Variants in COL22A1 observed in about 807,000 individuals in gnomAD.
COL22A1 encodes the protein collagen type XXII alpha 1 chain, also known as collagen alpha-1(XXII) chain.
COL22A1 carries 221 observed loss-of-function variants against 248.9 expected under a neutral mutation model. The observed-to-expected ratio is 0.89, with a 90% CI of 0.80 to 0.99. The LOEUF is 0.99. Ranked by LOEUF, COL22A1 falls within the 50% of genes least tolerant of loss-of-function variation. The pLI is 0.00. For synonymous variants in COL22A1, 891 were observed against 793.4 expected, an observed-to-expected ratio of 1.12 and a Z score of -2.07; for missense variants, 2,240 against 2,179.0, an observed-to-expected ratio of 1.03 and a Z score of -0.56.
At chr8:138,749,177 C>T (rs1013067581) in intron 22 of COL22A1, among the ~76,000 whole-genome samples, 1 of 152,128 alleles carries the variant, frequency 6.6e-6, no homozygotes, top group Non-Finnish European at 1.5e-5. Flanking sequence ...GCCTCCCCAG[C>T]CCCATGGAAC....
chr8:138,736,850 G>A (rs757239324), intron 23 of COL22A1, among the ~76,000 whole-genome samples: 7 of 152,264 alleles, frequency 4.6e-5, no homozygotes, highest in Non-Finnish European at 8.8e-5. Context: ...GGGAAACTGA[G>A]GCCCCATCTC....
At chr8:138,654,500 A>C (rs1462367359) in intron 45 of COL22A1, among the ~76,000 whole-genome samples, 3 of 152,140 alleles carry the variant, frequency 2.0e-5, no homozygotes, top group Non-Finnish European at 2.9e-5. Flanking sequence ...TCATGTATGA[A>C]GTAGGTATTT....
intron 4 of COL22A1, among the ~76,000 whole-genome samples, chr8:138,834,928 T>C (rs1820313008): frequency 6.6e-6 from 1 of 152,252 alleles, no homozygotes; most frequent in Middle Eastern, 3.4e-3. Context: ...CTGGAACTTG[T>C]GGGGACCCCA....
At chr8:138,903,716 G>T (rs573213807) in intron 1 of COL22A1, among the ~76,000 whole-genome samples, 45 of 152,256 alleles carry the variant, frequency 3.0e-4, no homozygotes, top group Middle Eastern at 6.8e-3. Flanking sequence ...TCAGTTGATG[G>T]GGTACATGGA....
chr8:138,911,107 C>G (rs1020481426), intron 1 of COL22A1, among the ~76,000 whole-genome samples: 1 of 152,220 alleles, frequency 6.6e-6, no homozygotes, highest in Non-Finnish European at 1.5e-5. Context: ...AACAGCCATC[C>G]CATCTGTCTG....
At chr8:138,636,045 G>C (rs781426184) in intron 48 of COL22A1, among the ~76,000 whole-genome samples, 1 of 152,172 alleles carries the variant, frequency 6.6e-6, no homozygotes, top group African/African-American at 2.4e-5. Flanking sequence ...GCAGAAGAGA[G>C]GGAGAAGTAA....
At chr8:138,809,198 C>A (rs955252321) in intron 9 of COL22A1, among the ~76,000 whole-genome samples, 1 of 152,162 alleles carries the variant, frequency 6.6e-6, no homozygotes, top group Non-Finnish European at 1.5e-5. Flanking sequence ...TTCTCACCCC[C>A]CTGTGCTTGG....
At chr8:138,812,883 C>G in intron 8 of COL22A1, 56 bp downstream of exon 8, 2 of 1,332,022 alleles carry the variant, frequency 1.5e-6, no homozygotes, top group East Asian at 2.3e-5. Flanking sequence ...TTCCCCTTCC[C>G]TCTGGAGGCC....
intron 3 of COL22A1, among the ~76,000 whole-genome samples, chr8:138,867,572 T>C (rs1166184306): frequency 1.3e-5 from 2 of 152,182 alleles, no homozygotes; most frequent in Non-Finnish European, 2.9e-5. Flanking sequence ...CTGAGATCCC[T>C]GGCTGGCAAG....
At chr8:138,626,490 C>G (rs1208048416) in intron 50 of COL22A1, among the ~76,000 whole-genome samples, 2 of 152,216 alleles carry the variant, frequency 1.3e-5, no homozygotes, top group Admixed American at 6.5e-5. Context: ...ATTATTAATA[C>G]AGAGGCTCAG....
intron 43 of COL22A1, among the ~76,000 whole-genome samples, chr8:138,660,865 CAA>C (rs1823796786): frequency 6.3e-5 from 7 of 111,056 alleles, no homozygotes; most frequent in African/African-American, 1.2e-4. Flanking sequence ...CACAGACACA[CAA>C]ACACACAGAC....
chr8:138,620,223 C>G (rs13252948), intron 52 of COL22A1: 119,237 of 151,620 alleles, frequency 0.79, 47,823 homozygotes, highest in Middle Eastern at 0.92. Flanking sequence ...GAGGGGAGGC[C>G]GGGCAGAGGA....
chr8:138,693,576 G>T, intron 35 of COL22A1, 70 bp downstream of exon 35: 1 of 1,461,868 alleles, frequency 6.8e-7, no homozygotes, highest in Non-Finnish European at 9.4e-7. Flanking sequence ...GAGCCATAGA[G>T]CAGAGCAGAC....
At chr8:138,660,819 TACACACACATACACACACAGACACACAC>T (rs1823773288) in intron 43 of COL22A1, among the ~76,000 whole-genome samples, 30 of 133,610 alleles carry the variant, frequency 2.2e-4, no homozygotes, top group South Asian at 4.7e-4. Context: ...CATACACACA[TACACACACATACACACACAGACACACAC>T]ACACATACAC....
At chr8:138,804,983 G>T (rs1300288624) in intron 10 of COL22A1, among the ~76,000 whole-genome samples, 1 of 148,748 alleles carries the variant, frequency 6.7e-6, no homozygotes, top group Admixed American at 6.7e-5. Context: ...ATGTGGTGGT[G>T]TGTGTGTGAT....
At chr8:138,848,688 G>A (rs1821422606) in intron 3 of COL22A1, among the ~76,000 whole-genome samples, 2 of 152,092 alleles carry the variant, frequency 1.3e-5, no homozygotes, top group South Asian at 4.1e-4. Context: ...TCTGGCTTTG[G>A]ATTTAACTCA....
At chr8:138,629,530 A>G (rs934916781) in intron 50 of COL22A1, among the ~76,000 whole-genome samples, 2 of 152,096 alleles carry the variant, frequency 1.3e-5, no homozygotes, top group Non-Finnish European at 2.9e-5. Flanking sequence ...TGAGGATCCT[A>G]AACCAGATGA....
rs149234511 is a variant in COL22A1 at position 138,784,800 on chromosome 8, A to T, written c.1597-3820T>A. Among the ~76,000 whole-genome samples the T allele has an allele frequency of 3.3e-3, 502 of 152,288 alleles. 2 individuals carry two copies. The highest frequency in any genetic ancestry group is 5.1e-3 in the Non-Finnish European group (345 of 68,030). ...TCATCTCCATTTCAGTGTTTATGAA[A>T]CAAAGTCACAGACAGCTGATTAGCT... On this transcript the variant is annotated intron_variant, in intron 12 of 64. Coordinates refer to ENST00000303045, the MANE Select transcript of COL22A1 (RefSeq NM_152888.3).
intron 7 of COL22A1, among the ~76,000 whole-genome samples, chr8:138,816,388 C>T (rs1432596236): frequency 6.6e-6 from 1 of 152,236 alleles, no homozygotes; most frequent in Non-Finnish European, 1.5e-5. Flanking sequence ...TGCTGCCCCA[C>T]TCCTGTCTGG....
Sources: gnomAD v4.1 joint callset for allele counts (sites outside exome capture counted in the v4.1 genomes callset) on GRCh38, gnomAD v4.1.1 for gene constraint, MANE v1.5 for transcripts, NCBI Gene and HGNC (gene_info 2026-07-23, HGNC 2026-07-21) for gene names.